Variants in ATAD3A observed in about 807,000 individuals in gnomAD.
The protein encoded by ATAD3A is ATPase family AAA domain-containing protein 3A.
Under a neutral mutation model 73.8 loss-of-function variants are expected in ATAD3A, and 46 were observed. That is an observed-to-expected ratio of 0.62 (90% CI 0.49 to 0.80). ATAD3A has a LOEUF of 0.80. ATAD3A is among the 30% of genes least tolerant of loss of function. The pLI, the probability that ATAD3A is intolerant of heterozygous loss-of-function variation, is 0.00. For synonymous variants in ATAD3A, 319 were observed against 350.0 expected (o/e 0.91, Z 0.99); for missense variants, 705 against 838.0 (o/e 0.84, Z 1.96).
rs2100657308 is a variant in ATAD3A, at chr1:1,520,240, ACAT to A, written c.619_621del (p.Ile207del). 2 of 1,612,692 alleles carry A rather than the reference ACAT, an allele frequency of 1.2e-6. No individual in the cohort carries two copies. The highest frequency in any genetic ancestry group is 1.7e-6 in the Non-Finnish European group (2 of 1,179,620). On this transcript the variant is annotated inframe_deletion, in exon 6 of 16. Transcript: ENST00000378756. The surrounding 1 kb of genome is among the most constrained non-coding windows in gnomAD (Gnocchi z 4.0). ...GCCAAGGCCGAGCGGGAGAATGCAG[ACAT>A]CATCCGCGAGCAGATCCGCCTGAAG...
Position 1,523,624 on chromosome 1 carries a change from C to G in ATAD3A, c.963+57C>G, listed in dbSNP as rs749656444. ...CAGGGAGGGGACCCTGGAGCTGGGCCGGGCTGTGGCCCTTGCTGGCGCTCG... is the reference window on the plus strand; with the variant it reads ...CAGGGAGGGGACCCTGGAGCTGGGCGGGGCTGTGGCCCTTGCTGGCGCTCG... On this transcript the variant is annotated intron_variant, in intron 9 of 15. Transcript: ENST00000378756. This position sits in a 1 kb window ranked among gnomAD's most constrained non-coding sequence, Gnocchi z 5.1. 1.2e-6 allele frequency: 2 copies of G among 1,609,840 alleles called. No individual in the cohort carries two copies. Among genetic ancestry groups the G allele is most frequent in the African/African-American group, 1.3e-5 (1 of 74,866 alleles).
intron 14 of ATAD3A, 72 bp downstream of exon 14, chr1:1,527,934 A>C: frequency 6.9e-7 from 1 of 1,453,326 alleles, no homozygotes; most frequent in Non-Finnish European, 9.3e-7. Flanking sequence ...ACAGTCCACC[A>C]TCACTTACAA....
At chr1:1,521,731 T>C (rs1641608272) in intron 7 of ATAD3A, among the ~76,000 whole-genome samples, 1 of 152,216 alleles carries the variant, frequency 6.6e-6, no homozygotes, top group Non-Finnish European at 1.5e-5. Flanking sequence ...GACAGGGTCT[T>C]GCTCTGTGGT....
intron 15 of ATAD3A, among the ~76,000 whole-genome samples, 168 bp from the exon 16 acceptor site, chr1:1,533,758 G>C (rs1238332762): frequency 1.3e-5 from 2 of 151,410 alleles, no homozygotes; most frequent in Non-Finnish European, 2.9e-5. Context: ...GGCTGCTCCC[G>C]GTGTCCACAC....
At chr1:1,518,841 C>A in intron 4 of ATAD3A, 80 bp from the exon 5 acceptor site, 1 of 1,609,580 alleles carries the variant, frequency 6.2e-7, no homozygotes, top group Non-Finnish European at 8.5e-7. Context: ...CCTGCACACT[C>A]GGGCACAGTC....
Position 1,520,405 on chromosome 1 carries a change from G to T in ATAD3A, c.680+99G>T. ...TCCAGCTCTTCCAGGCCTTGCCGCC[G>T]TAGGCTGACTCCTTGGTGGGGGCAC... On this transcript the variant is annotated intron_variant, in intron 6 of 15. Transcript: ENST00000378756. This position sits in a 1 kb window ranked among gnomAD's most constrained non-coding sequence, Gnocchi z 4.0. 1.3e-6 allele frequency: 2 copies of T among 1,592,268 alleles called. No homozygotes were observed. The highest frequency in any genetic ancestry group is 1.7e-6 in the Non-Finnish European group (2 of 1,166,104).
chr1:1,528,227 T>C (rs1641917148), intron 14 of ATAD3A, among the ~76,000 whole-genome samples: 2 of 152,170 alleles, frequency 1.3e-5, no homozygotes, highest in Admixed American at 6.5e-5. Flanking sequence ...CCTCCCAAAG[T>C]GCAGGGATTA....
Position 1,534,226 on chromosome 1 carries a change from C to T in ATAD3A, c.*154C>T, listed in dbSNP as rs35611435. 453,082 of 1,473,900 alleles carry T rather than the reference C, an allele frequency of 0.31. 87,648 individuals carry two copies. The highest frequency in any genetic ancestry group is 0.91 in the East Asian group (35,873 of 39,278). 91.3% of individuals were successfully genotyped at this position (1,473,900 alleles called of 1,614,324 possible). A position where few individuals can be genotyped will look rare whatever the true frequency, so the allele number is the denominator to read the frequency against. On this transcript the variant is annotated 3_prime_UTR_variant, in exon 16 of 16. Coordinates refer to ENST00000378756, the MANE Select transcript of ATAD3A (RefSeq NM_001170535.3). ...CAGGATGTCTTGTGGTGCGGGTCGG[C>T]CGTTCTGCCCCCCAGGGCACCCCCT... is the stretch of plus-strand genomic sequence containing the variant.
At chr1:1,529,411 G>A in intron 15 of ATAD3A, 80 bp downstream of exon 15, 1 of 1,502,158 alleles carries the variant, frequency 6.7e-7, no homozygotes, top group South Asian at 1.3e-5. Context: ...GCCTGTCCCA[G>A]CACCGGTGTC....
rs1259381369 is a variant in ATAD3A, at chr1:1,530,840, A to C, written c.1614+1509A>C. ...CGAGACTCCGTCTCAAAAAAAAAAA[A>C]AAAAAAAAAAAAAAACTAAGAATAA... On this transcript the variant is annotated intron_variant, in intron 15 of 15. Coordinates refer to ENST00000378756, the MANE Select transcript of ATAD3A (RefSeq NM_001170535.3). Among the ~76,000 whole-genome samples the C allele has an allele frequency of 1.6e-4, 16 of 99,132 alleles. 1 individual carries two copies. The highest frequency in any genetic ancestry group is 4.3e-4 in the African/African-American group (3 of 7,004). The allele number at this position is 99,132 out of a possible 152,430, so 65.0% of individuals were successfully genotyped here.
chr1:1,513,573 C>T (rs1177511288), intron 1 of ATAD3A, among the ~76,000 whole-genome samples: 11 of 152,094 alleles, frequency 7.2e-5, no homozygotes, highest in Admixed American at 7.2e-4. Context: ...CCGTGGGGAG[C>T]CCTCCATCAG....
At chr1:1,515,329 A>C (rs1307532063) in intron 1 of ATAD3A, among the ~76,000 whole-genome samples, 2 of 152,130 alleles carry the variant, frequency 1.3e-5, no homozygotes, top group Admixed American at 1.3e-4. Context: ...CACCCGTCTC[A>C]GCCTCTCAAA....
At chr1:1,533,239 C>T (rs1642095412) in intron 15 of ATAD3A, among the ~76,000 whole-genome samples, 1 of 152,172 alleles carries the variant, frequency 6.6e-6, no homozygotes, top group South Asian at 2.1e-4. Context: ...AGCACGGTGC[C>T]CAGTGGGGGT....
Position 1,520,743 on chromosome 1 carries a change from C to T in ATAD3A, c.750+126C>T. On this transcript the variant is annotated intron_variant, in intron 7 of 15. Coordinates refer to ENST00000378756, the MANE Select transcript of ATAD3A (RefSeq NM_001170535.3). The surrounding 1 kb of genome is among the most constrained non-coding windows in gnomAD (Gnocchi z 4.0). ...TGTAGCTCTCCCAGCAGGGAGGAAG[C>T]CCACGTTGTACCTGCTGGCCTCGGC... 9 of 1,466,250 alleles carry T rather than the reference C, an allele frequency of 6.1e-6. No homozygotes were observed. The highest frequency in any genetic ancestry group is 8.4e-6 in the Non-Finnish European group (9 of 1,072,548). 90.8% of individuals were successfully genotyped at this position (1,466,250 alleles called of 1,614,324 possible). A position where few individuals can be genotyped will look rare whatever the true frequency, so the allele number is the denominator to read the frequency against.
At chr1:1,515,672 C>T (rs1234558135) in intron 1 of ATAD3A, among the ~76,000 whole-genome samples, 3 of 152,142 alleles carry the variant, frequency 2.0e-5, no homozygotes, top group East Asian at 1.9e-4. Flanking sequence ...TTAGGAAAAG[C>T]GAATGTAACG....
At chr1:1,518,621 A>AC (rs148694040) in intron 4 of ATAD3A, among the ~76,000 whole-genome samples, 6,249 of 37,900 alleles carry the variant, frequency 0.16, 579 homozygotes, top group East Asian at 0.52. Flanking sequence ...GGGCGTACAC[A>AC]CCCCCCCCCA....
Position 1,523,770 on chromosome 1 carries a change from C to G in ATAD3A, c.964-69C>G. 1.2e-6 allele frequency: 2 copies of G among 1,607,986 alleles called. No homozygotes were observed. Among genetic ancestry groups the G allele is most frequent in the Non-Finnish European group, 1.7e-6 (2 of 1,176,652 alleles). On this transcript the variant is annotated intron_variant, in intron 9 of 15. Coordinates refer to ENST00000378756, the MANE Select transcript of ATAD3A (RefSeq NM_001170535.3). This position sits in a 1 kb window ranked among gnomAD's most constrained non-coding sequence, Gnocchi z 5.1. ...AGCCGAGTCTGCACCCAGGCATTCC[C>G]GCAGCCCCTTCCCCTGAGGCTTCCA... is the stretch of plus-strand genomic sequence containing the variant.
At chr1:1,527,940 T>TA in intron 14 of ATAD3A, 78 bp downstream of exon 14, 2 of 1,395,414 alleles carry the variant, frequency 1.4e-6, no homozygotes, top group Non-Finnish European at 1.9e-6. Context: ...CACCATCACT[T>TA]ACAAACCTTT....
chr1:1,524,972 G>A (rs1319050801), intron 11 of ATAD3A, among the ~76,000 whole-genome samples: 1 of 152,206 alleles, frequency 6.6e-6, no homozygotes, highest in Non-Finnish European at 1.5e-5. Flanking sequence ...TGCTGCACTG[G>A]GCCGGGTGGG....
Sources: allele counts gnomAD v4.1 joint callset (sites outside exome capture counted in the v4.1 genomes callset), GRCh38; gene constraint gnomAD v4.1.1; non-coding constraint Gnocchi (gnomAD v3.1); transcripts MANE v1.5; gene names NCBI Gene and HGNC (gene_info 2026-07-23, HGNC 2026-07-21).